The following ELAVL3 variants were observed in gnomAD, a reference collection of about 807,000 sequenced individuals.
ELAVL3 encodes ELAV like RNA binding protein 3.
Under a neutral mutation model 34.2 loss-of-function variants are expected in ELAVL3, and 8 were observed. The observed-to-expected ratio is 0.23, with a 90% CI of 0.14 to 0.42. The LOEUF (loss-of-function observed/expected upper bound fraction) is 0.42. Among genes scored for constraint, ELAVL3 ranks in the 10% least tolerant of loss-of-function variants. The pLI is 1.00. For missense variants in ELAVL3, 273 were observed against 518.8 expected, an observed-to-expected ratio of 0.53 and a Z score of 4.60; for synonymous variants, 209 against 222.1, an observed-to-expected ratio of 0.94 and a Z score of 0.53.
intron 5 of ELAVL3, 60 bp from the exon 6 acceptor site, chr19:11,457,208 C>T: frequency 6.7e-7 from 1 of 1,500,918 alleles, no homozygotes; most frequent in Non-Finnish European, 8.9e-7. Context: ...TGCTGTGACA[C>T]CGTCGGCCTG....
At chr19:11,479,232 G>C (rs980465346) in intron 1 of ELAVL3, among the ~76,000 whole-genome samples, 2 of 152,212 alleles carry the variant, frequency 1.3e-5, no homozygotes, top group Non-Finnish European at 2.9e-5. Context: ...ACGAGGCCCA[G>C]AGAGGGAAAG....
rs1970702080 is a variant in ELAVL3, at chr19:11,453,625, C to T, written c.*901G>A. 6.5e-6 allele frequency: 1 copy of T among 152,870 alleles called. No individual in the cohort carries two copies. Among genetic ancestry groups the T allele is most frequent in the African/African-American group, 2.4e-5 (1 of 41,440 alleles). 9.5% of individuals were successfully genotyped at this position (152,870 alleles called of 1,614,324 possible). A position where few individuals can be genotyped will look rare whatever the true frequency, so the allele number is the denominator to read the frequency against. ...CTGTCTCTTTCTGTCTATCCCTGTC[C>T]ACGTGTCTGAGTTTGGCCAACCAGT... On this transcript the variant is annotated 3_prime_UTR_variant, in exon 7 of 7. Coordinates refer to ENST00000359227, the MANE Select transcript of ELAVL3 (RefSeq NM_001420.4).
In ELAVL3 at chr19:11,466,877, G is replaced by T; in HGVS notation, c.10-50C>A. On this transcript the variant is annotated intron_variant, in intron 1 of 6. Coordinates refer to ENST00000359227, the MANE Select transcript of ELAVL3 (RefSeq NM_001420.4). The surrounding 1 kb of genome is among the most constrained non-coding windows in gnomAD (Gnocchi z 5.0). ...TCACCGCCCAGTCCCCACACCAGGG[G>T]CCTGCGGCAATGAGTGGCTTGGTGG... is the stretch of plus-strand genomic sequence containing the variant. The T allele has an allele frequency of 1.3e-6, 2 of 1,505,872 alleles. No individual in the cohort carries two copies. The highest frequency in any genetic ancestry group is 1.8e-6 in the Non-Finnish European group (2 of 1,107,630). 93.3% of individuals were successfully genotyped at this position (1,505,872 alleles called of 1,614,324 possible).
rs2144881609 is a variant in ELAVL3, at chr19:11,458,938, A to G, written c.334-327T>C. Reference sequence around the variant, plus strand: ...ACTATCACATGCTTGACAGTCCATCAACAAACATTGACCTTTTTTTTTTTT... The same window carrying G: ...ACTATCACATGCTTGACAGTCCATCGACAAACATTGACCTTTTTTTTTTTT... On this transcript the variant is annotated intron_variant, in intron 3 of 6. Coordinates refer to ENST00000359227, the MANE Select transcript of ELAVL3 (RefSeq NM_001420.4). This position sits in a 1 kb window ranked among gnomAD's most constrained non-coding sequence, Gnocchi z 7.3. Among the ~76,000 whole-genome samples the G allele has an allele frequency of 6.7e-6, 1 of 149,618 alleles. No homozygotes were observed. The highest frequency in any genetic ancestry group is 1.9e-4 in the East Asian group (1 of 5,132).
intron 3 of ELAVL3, among the ~76,000 whole-genome samples, chr19:11,464,696 A>G (rs1370332602): frequency 7.3e-6 from 1 of 136,414 alleles, no homozygotes; most frequent in Non-Finnish European, 1.6e-5. Flanking sequence ...CCCCACACAC[A>G]TACACCACAC....
At chr19:11,460,100 C>T (rs1415995035) in intron 3 of ELAVL3, among the ~76,000 whole-genome samples, 1 of 152,122 alleles carries the variant, frequency 6.6e-6, no homozygotes, top group Non-Finnish European at 1.5e-5. Context: ...CGCCCGCCTC[C>T]AATCTGCCCC....
At chr19:11,456,992 C>G (rs1970781257) in intron 6 of ELAVL3, 118 bp downstream of exon 6, 2 of 908,250 alleles carry the variant, frequency 2.2e-6, no homozygotes, top group Admixed American at 4.2e-5. Flanking sequence ...AATGGCCATG[C>G]TACTCCAAGA....
intron 3 of ELAVL3, among the ~76,000 whole-genome samples, chr19:11,460,102 A>G (rs1025122970): frequency 1.3e-5 from 2 of 151,868 alleles, no homozygotes; most frequent in Admixed American, 6.6e-5. Flanking sequence ...CCCGCCTCCA[A>G]TCTGCCCCAA....
intron 1 of ELAVL3, among the ~76,000 whole-genome samples, chr19:11,476,956 G>T (rs1400570957): frequency 1.3e-5 from 2 of 151,894 alleles, no homozygotes; most frequent in Non-Finnish European, 2.9e-5. Flanking sequence ...CCAGGGTTTG[G>T]ACTTTAGAGC....
chr19:11,467,942 A>C (rs774788488), intron 1 of ELAVL3, among the ~76,000 whole-genome samples: 25 of 152,112 alleles, frequency 1.6e-4, no homozygotes, highest in Admixed American at 3.9e-4. Context: ...GGCGCATGCC[A>C]CCATGTCTGG....
chr19:11,477,844 G>A (rs892960923), intron 1 of ELAVL3, among the ~76,000 whole-genome samples: 5 of 151,898 alleles, frequency 3.3e-5, no homozygotes, highest in South Asian at 2.1e-4. Flanking sequence ...GTGCACCATC[G>A]CGCCCCGCTA....
At position 11,454,451 on chromosome 19, in the gene ELAVL3, C is replaced by CTCTCTCTCTCTCTCTT; in HGVS notation, c.*74_*75insAAGAGAGAGAGAGAGA. On this transcript the variant is annotated 3_prime_UTR_variant, in exon 7 of 7. Coordinates refer to ENST00000359227, the MANE Select transcript of ELAVL3 (RefSeq NM_001420.4). The surrounding 1 kb of genome is among the most constrained non-coding windows in gnomAD (Gnocchi z 9.2). Reference sequence around the variant, plus strand: ...CTGTGCTGTCTCTCTTGGGCCCCTTCTCTCTCTCTCTCTCTCTTTCTCTCT... The same window carrying CTCTCTCTCTCTCTCTT: ...CTGTGCTGTCTCTCTTGGGCCCCTTCTCTCTCTCTCTCTCTTTCTCTCTCTCTCTCTCTTTCTCTCT... 2 of 636,530 alleles carry CTCTCTCTCTCTCTCTT rather than the reference C, an allele frequency of 3.1e-6. No homozygotes were observed. Among genetic ancestry groups the CTCTCTCTCTCTCTCTT allele is most frequent in the South Asian group, 3.3e-5 (1 of 30,198 alleles). 39.4% of individuals were successfully genotyped at this position (636,530 alleles called of 1,614,324 possible). A position where few individuals can be genotyped will look rare whatever the true frequency, so the allele number is the denominator to read the frequency against.
intron 3 of ELAVL3, among the ~76,000 whole-genome samples, chr19:11,459,175 T>G (rs1970833079): frequency 6.8e-6 from 1 of 146,212 alleles, no homozygotes. Flanking sequence ...CAGGCTGGAG[T>G]GCAATGGCGA....
chr19:11,463,373 C>T (rs1392304042), intron 3 of ELAVL3, among the ~76,000 whole-genome samples: 3 of 152,198 alleles, frequency 2.0e-5, no homozygotes, highest in Non-Finnish European at 4.4e-5. Context: ...CATGCAGTGC[C>T]GCCCCGCTGC....
At chr19:11,468,804 T>C (rs1476825738) in intron 1 of ELAVL3, among the ~76,000 whole-genome samples, 1 of 152,204 alleles carries the variant, frequency 6.6e-6, no homozygotes, top group Admixed American at 6.5e-5. Flanking sequence ...TTTTTCTAGA[T>C]GGCCTTTATC....
rs755495003 is a variant in ELAVL3 at position 11,458,322 on chromosome 19, T to C, written c.488-36A>G. 4.3e-6 allele frequency: 7 copies of C among 1,609,880 alleles called. No homozygotes were observed. In the African/African-American group the frequency reaches 9.4e-5, roughly 22 times the overall value. ...GCAGGGATGTCCATCACGACGACCCTGTCCCCTCCTGTGTAACCCCACTTC... is the reference window on the plus strand; with the variant it reads ...GCAGGGATGTCCATCACGACGACCCCGTCCCCTCCTGTGTAACCCCACTTC... On this transcript the variant is annotated intron_variant, in intron 4 of 6. Coordinates refer to ENST00000359227, the MANE Select transcript of ELAVL3 (RefSeq NM_001420.4). This position sits in a 1 kb window ranked among gnomAD's most constrained non-coding sequence, Gnocchi z 7.3.
intron 1 of ELAVL3, among the ~76,000 whole-genome samples, chr19:11,471,217 G>A (rs914465105): frequency 6.6e-6 from 1 of 152,038 alleles, no homozygotes; most frequent in Admixed American, 6.6e-5. Context: ...GGCTGAGGCA[G>A]GAGAAACGCT....
intron 1 of ELAVL3, among the ~76,000 whole-genome samples, chr19:11,471,225 G>A (rs1204637191): frequency 2.0e-5 from 3 of 150,378 alleles, no homozygotes; most frequent in Non-Finnish European, 3.0e-5. Flanking sequence ...CAGGAGAAAC[G>A]CTTGAACCAG....
At position 11,458,144 on chromosome 19, in the gene ELAVL3, C is replaced by T. The variant is rs144875735; in HGVS notation, c.630G>A (p.Thr210=). The T allele has an allele frequency of 5.9e-5, 96 of 1,614,158 alleles. No homozygotes were observed. The highest frequency in any genetic ancestry group is 8.9e-5 in the East Asian group (4 of 44,866). ...VKFANNPSQK[T]GQALLTHLYQ... The stretch of plus-strand genomic sequence containing the variant: ...AGAGGTGGGTGAGCAGCGCCTGCCC[C>T]GTCTTCTGACTTGGGTTGTTCGCGA... The change falls in exon 5 of 7, where the codon ACG becomes ACA. Residue 210 remains threonine (T), a synonymous_variant. Transcript: ENST00000359227. This position sits in a 1 kb window ranked among gnomAD's most constrained non-coding sequence, Gnocchi z 7.3.
Sources: allele counts gnomAD v4.1 joint callset (sites outside exome capture counted in the v4.1 genomes callset), GRCh38; gene constraint gnomAD v4.1.1; non-coding constraint Gnocchi (gnomAD v3.1); transcripts MANE v1.5; gene names NCBI Gene and HGNC (gene_info 2026-07-23, HGNC 2026-07-21).